Variants in ARSG observed in about 807,000 individuals in gnomAD.
ARSG encodes arylsulfatase G, also known as ASG.
ARSG carries 37 observed loss-of-function variants against 50.5 expected under a neutral mutation model. The ratio of observed to expected loss-of-function variants is 0.73; its 90% confidence interval spans 0.56 to 0.96. The LOEUF is 0.96. ARSG is among the 50% of genes least tolerant of loss of function. The pLI, the probability that ARSG is intolerant of heterozygous loss-of-function variation, is 0.00. For synonymous variants in ARSG, 225 were observed against 254.6 expected (o/e 0.88, Z 1.11); for missense variants, 629 against 675.3 (o/e 0.93, Z 0.76).
At chr17:68,397,870 G>A (rs2081311292) in intron 10 of ARSG, among the ~76,000 whole-genome samples, 1 of 152,198 alleles carries the variant, frequency 6.6e-6, no homozygotes, top group Middle Eastern at 3.4e-3. Context: ...GGGTTCAAGC[G>A]ATTCTCCTGC....
At chr17:68,398,827 A>G (rs117376108) in intron 10 of ARSG, among the ~76,000 whole-genome samples, 433 of 152,284 alleles carry the variant, frequency 2.8e-3, no homozygotes, top group Admixed American at 5.2e-3. Flanking sequence ...ACCATGCTGC[A>G]TATTCTTGCA....
chr17:68,370,346 A>T, intron 7 of ARSG, 98 bp from the exon 8 acceptor site: 4 of 1,028,482 alleles, frequency 3.9e-6, no homozygotes, highest in Admixed American at 4.6e-5. Context: ...TTTTCTATCT[A>T]GTTCCTGCTC....
the ARSG span, among the ~76,000 whole-genome samples, chr17:68,437,016 A>ATGTG: frequency 2.0e-4 from 29 of 144,662 alleles, no homozygotes; most frequent in Middle Eastern, 3.5e-3. Context: ...ATATATATAT[A>ATGTG]TGTGTGTGTG....
chr17:68,392,712 C>G (rs920967124), intron 9 of ARSG, among the ~76,000 whole-genome samples: 1 of 152,150 alleles, frequency 6.6e-6, no homozygotes, highest in Non-Finnish European at 1.5e-5. Flanking sequence ...GTTGGCCAGG[C>G]TGGTCTCAAA....
chr17:68,426,355 C>G (rs1197544987), downstream of ARSG, among the ~76,000 whole-genome samples: 2 of 152,066 alleles, frequency 1.3e-5, no homozygotes, highest in Non-Finnish European at 2.9e-5. Context: ...CATCTTTAAG[C>G]CTGACCTGCC....
intron 1 of ARSG, among the ~76,000 whole-genome samples, chr17:68,259,594 CATAAAGAAG>C (rs2075041701): frequency 6.6e-6 from 1 of 152,186 alleles, no homozygotes. Flanking sequence ...TTAGCAAATG[CATAAAGAAG>C]CAGGTGGAGT....
At chr17:68,440,055 G>C in the ARSG span, among the ~76,000 whole-genome samples, 1 of 152,158 alleles carries the variant, frequency 6.6e-6, no homozygotes, top group Admixed American at 6.5e-5. Flanking sequence ...ACCTATTATA[G>C]AACTGGTTGA....
intron 4 of ARSG, among the ~76,000 whole-genome samples, chr17:68,349,590 A>T (rs2078664550): frequency 6.6e-6 from 1 of 152,126 alleles, no homozygotes; most frequent in Non-Finnish European, 1.5e-5. Flanking sequence ...TTTTTTAAAA[A>T]TACAACAAAC....
chr17:68,390,466 G>A (rs773653295), intron 9 of ARSG, among the ~76,000 whole-genome samples: 5 of 152,144 alleles, frequency 3.3e-5, no homozygotes, highest in Non-Finnish European at 7.4e-5. Context: ...TTGTGCCATT[G>A]TGCAGAGCAA....
the ARSG span, among the ~76,000 whole-genome samples, chr17:68,433,761 T>G: frequency 2.8e-3 from 17 of 6,090 alleles, no homozygotes; most frequent in African/African-American, 0.014. Context: ...AGGGTCATAG[T>G]TTTTTTTTTT....
At chr17:68,406,344 A>G (rs567511808) in intron 11 of ARSG, among the ~76,000 whole-genome samples, 6 of 152,298 alleles carry the variant, frequency 3.9e-5, no homozygotes, top group Admixed American at 3.9e-4. Context: ...GTGCTGCTAT[A>G]AATATGTGTG....
chr17:68,288,153 C>A (rs1192275639), upstream of ARSG, among the ~76,000 whole-genome samples: 1 of 150,912 alleles, frequency 6.6e-6, no homozygotes, highest in Non-Finnish European at 1.5e-5. Flanking sequence ...CATGCCACCA[C>A]GCCCGGCTGA....
rs186756453 is a variant in ARSG, at chr17:68,373,159, T to C, written c.982+2635T>C. ...AATTCCTGACCTCAAGTGATCCACCTGCCTCGGCCTCCCAAAGTGCTGGGA... is the reference window on the plus strand; with the variant it reads ...AATTCCTGACCTCAAGTGATCCACCCGCCTCGGCCTCCCAAAGTGCTGGGA... On this transcript the variant is annotated intron_variant, in intron 8 of 11. Transcript: ENST00000621439. Among the ~76,000 whole-genome samples the C allele has an allele frequency of 7.1e-4, 107 of 151,382 alleles. No homozygotes were observed. In the East Asian group the frequency reaches 0.016, roughly 23 times the overall value.
chr17:68,436,320 T>C, the ARSG span: 1 of 1,499,506 alleles, frequency 6.7e-7, no homozygotes, highest in Non-Finnish European at 9.3e-7. Context: ...CTTATCTATC[T>C]CCTTCCATGA....
Position 68,374,559 on chromosome 17 carries a change from A to G in ARSG, c.982+4035A>G, listed in dbSNP as rs116199697. 4.4e-3 allele frequency among the ~76,000 whole-genome samples: 675 copies of G among 152,224 alleles called. 6 individuals carry two copies. Among genetic ancestry groups the G allele is most frequent in the African/African-American group, 0.015 (636 of 41,538 alleles). ...TCTTCGAGGGAATGATGAGAAATAC[A>G]TTTACTAGCTGGCCAGGTGCAGTGG... On this transcript the variant is annotated intron_variant, in intron 8 of 11. Coordinates refer to ENST00000621439, the MANE Select transcript of ARSG (RefSeq NM_001267727.2).
chr17:68,401,090 C>T (rs536379727), intron 10 of ARSG: 4 of 423,932 alleles, frequency 9.4e-6, no homozygotes, highest in Non-Finnish European at 1.7e-5. Context: ...GTGGTATGAT[C>T]ATAGCTCACT....
At chr17:68,350,032 A>C (rs1168475312) in intron 4 of ARSG, among the ~76,000 whole-genome samples, 1 of 152,242 alleles carries the variant, frequency 6.6e-6, no homozygotes, top group Non-Finnish European at 1.5e-5. Flanking sequence ...AGGCTACACT[A>C]GGAGAATGGG....
chr17:68,427,072 C>T (rs182215874), downstream of ARSG: 28 of 1,370,456 alleles, frequency 2.0e-5, no homozygotes, highest in African/African-American at 2.9e-4. Flanking sequence ...AGGGAGCGTG[C>T]AGGGAGAAGG....
At chr17:68,347,231 A>C (rs1160810386) in intron 4 of ARSG, 59 bp downstream of exon 4, 1 of 1,562,282 alleles carries the variant, frequency 6.4e-7, no homozygotes, top group African/African-American at 1.4e-5. Context: ...TCTCTGTGTA[A>C]GACTCCATGA....
Sources: gnomAD v4.1 joint callset for allele counts (sites outside exome capture counted in the v4.1 genomes callset) on GRCh38, gnomAD v4.1.1 for gene constraint, MANE v1.5 for transcripts, NCBI Gene and HGNC (gene_info 2026-07-23, HGNC 2026-07-21) for gene names.